Variants in RABEP1 observed in about 807,000 individuals in gnomAD.
RABEP1 encodes the protein rab GTPase-binding effector protein 1.
RABEP1 carries 51 observed loss-of-function variants against 123.4 expected under a neutral mutation model. That is an observed-to-expected ratio of 0.41 (90% CI 0.33 to 0.52). The LOEUF (loss-of-function observed/expected upper bound fraction) is 0.52. RABEP1 is among the 20% of genes least tolerant of loss of function. The pLI is 0.16. For missense variants in RABEP1, 888 were observed against 996.3 expected (o/e 0.89, Z 1.46); for synonymous variants, 347 against 355.2 (o/e 0.98, Z 0.26).
intron 13 of RABEP1, among the ~76,000 whole-genome samples, chr17:5,374,984 C>CCAGGCTGGT (rs1183100250): frequency 2.6e-5 from 4 of 151,994 alleles, no homozygotes; most frequent in African/African-American, 9.7e-5. Flanking sequence ...GCCATGTTGG[C>CCAGGCTGGT]CAGGCTGGTC....
intron 1 of RABEP1, among the ~76,000 whole-genome samples, chr17:5,288,556 C>A (rs1029369201): frequency 6.6e-6 from 1 of 150,902 alleles, no homozygotes; most frequent in Non-Finnish European, 1.5e-5. Flanking sequence ...CTGCCATGCT[C>A]GGCTAATTTT....
At chr17:5,282,837 G>T (rs2074940879) in intron 1 of RABEP1, among the ~76,000 whole-genome samples, 1 of 151,834 alleles carries the variant, frequency 6.6e-6, no homozygotes, top group Non-Finnish European at 1.5e-5. Context: ...CCGGCACGTG[G>T]GTTCTGCCCG....
intron 2 of RABEP1, among the ~76,000 whole-genome samples, chr17:5,314,231 A>ATTTTTTTTTTTT (rs2075272537): frequency 2.8e-5 from 1 of 35,240 alleles, no homozygotes; most frequent in Non-Finnish European, 6.4e-5. Flanking sequence ...CTTAGTACCT[A>ATTTTTTTTTTTT]TTCTTTTTTT....
intron 2 of RABEP1, among the ~76,000 whole-genome samples, chr17:5,317,192 T>G (rs971113656): frequency 2.6e-5 from 4 of 152,010 alleles, no homozygotes; most frequent in Non-Finnish European, 5.9e-5. Context: ...ATGCAAAAAT[T>G]CTCACAAAAG....
intron 2 of RABEP1, among the ~76,000 whole-genome samples, chr17:5,324,259 T>TA (rs1165559815): frequency 1.3e-5 from 2 of 152,078 alleles, no homozygotes; most frequent in African/African-American, 4.8e-5. Context: ...TGGAACAGAA[T>TA]AGAGTACCCA....
chr17:5,311,238 G>A (rs528218502), intron 2 of RABEP1, among the ~76,000 whole-genome samples: 17 of 152,242 alleles, frequency 1.1e-4, no homozygotes, highest in African/African-American at 2.4e-4. Flanking sequence ...ACCAGTTGGC[G>A]GAGATGTTAC....
intron 7 of RABEP1, among the ~76,000 whole-genome samples, chr17:5,354,084 T>G (rs1307388018): frequency 1.3e-5 from 2 of 152,192 alleles, no homozygotes; most frequent in Admixed American, 6.5e-5. Flanking sequence ...GGTTTTGCTT[T>G]CTTTTATTTT....
chr17:5,308,078 T>G (rs925500277), intron 1 of RABEP1, among the ~76,000 whole-genome samples: 2 of 152,188 alleles, frequency 1.3e-5, no homozygotes, highest in Non-Finnish European at 2.9e-5. Context: ...TATTTAACAG[T>G]TCTAAAATTA....
intron 5 of RABEP1, among the ~76,000 whole-genome samples, chr17:5,340,887 G>T (rs944958821): frequency 1.3e-5 from 2 of 149,762 alleles, no homozygotes; most frequent in African/African-American, 4.9e-5. Context: ...GGCAGAGGTT[G>T]CAGTGAGCTG....
intron 1 of RABEP1, among the ~76,000 whole-genome samples, chr17:5,302,431 G>A (rs930095676): frequency 6.6e-6 from 1 of 151,570 alleles, no homozygotes; most frequent in African/African-American, 2.4e-5. Context: ...GGTATAGATA[G>A]GGTTTTGCCA....
rs1411133921 is a variant in RABEP1 at position 5,357,513 on chromosome 17, A to G, written c.1095+3023A>G. ...CAGCCTCCCGAGTAGCTGGGACTAC[A>G]GGTGCACACCACCACGCCCAGCTAT... On this transcript the variant is annotated intron_variant, in intron 8 of 17. Transcript: ENST00000537505. Among the ~76,000 whole-genome samples the G allele has an allele frequency of 2.0e-5, 3 of 152,224 alleles. No homozygotes were observed. The East Asian group carries it at 5.8e-4, about 29-fold the overall frequency.
intron 10 of RABEP1, chr17:5,364,580 A>C (rs771056261): frequency 6.6e-6 from 1 of 152,540 alleles, no homozygotes; most frequent in Non-Finnish European, 1.5e-5. Context: ...TAAAAATGCA[A>C]AATTAGCCAG....
chr17:5,382,218 A>T (rs1003727949), intron 17 of RABEP1, among the ~76,000 whole-genome samples: 1 of 151,070 alleles, frequency 6.6e-6, no homozygotes. Flanking sequence ...GGTAGCTGGG[A>T]TTACAAGTAC....
intron 2 of RABEP1, among the ~76,000 whole-genome samples, chr17:5,317,903 C>G (rs1287507699): frequency 6.6e-6 from 1 of 152,102 alleles, no homozygotes; most frequent in African/African-American, 2.4e-5. Context: ...GTAATAAAGC[C>G]TCTAATAACT....
chr17:5,303,438 C>T (rs955843697), intron 1 of RABEP1, among the ~76,000 whole-genome samples: 2 of 152,090 alleles, frequency 1.3e-5, no homozygotes, highest in African/African-American at 4.8e-5. Flanking sequence ...GACAGGGTTT[C>T]GCCACATTGA....
At position 5,282,464 on chromosome 17, in the gene RABEP1, T is replaced by TC; in HGVS notation, c.-19dup. ...ACGCCGCTTCCCCGCCCATCCCCGC[T>TC]CCCCGAGGCCGGCCGCCTGGTCATG... On this transcript the variant is annotated 5_prime_UTR_variant, in exon 1 of 18. Transcript: ENST00000537505. 1 of 1,343,910 alleles carries TC rather than the reference T, an allele frequency of 7.4e-7. No homozygotes were observed. Among genetic ancestry groups the TC allele is most frequent in the South Asian group, 1.8e-5 (1 of 55,332 alleles). 83.2% of individuals were successfully genotyped at this position (1,343,910 alleles called of 1,614,324 possible). A position where few individuals can be genotyped will look rare whatever the true frequency, so the allele number is the denominator to read the frequency against.
intron 13 of RABEP1, among the ~76,000 whole-genome samples, chr17:5,376,235 T>C (rs950547039): frequency 6.6e-6 from 1 of 152,140 alleles, no homozygotes; most frequent in Admixed American, 6.5e-5. Flanking sequence ...GTGGGAGTTT[T>C]GCTTGAGCCC....
chr17:5,339,109 A>C (rs1033760228), intron 5 of RABEP1, among the ~76,000 whole-genome samples: 1 of 152,046 alleles, frequency 6.6e-6, no homozygotes, highest in Non-Finnish European at 1.5e-5. Context: ...GTGAACTGGC[A>C]CTCCAGACTG....
At chr17:5,282,905 G>A (rs2144413805) in intron 1 of RABEP1, among the ~76,000 whole-genome samples, 1 of 152,156 alleles carries the variant, frequency 6.6e-6, no homozygotes, top group African/African-American at 2.4e-5. Context: ...AAAAATCTTA[G>A]CTTAGGTAGT....
Sources: allele counts gnomAD v4.1 joint callset (sites outside exome capture counted in the v4.1 genomes callset), GRCh38; gene constraint gnomAD v4.1.1; transcripts MANE v1.5; gene names NCBI Gene and HGNC (gene_info 2026-07-23, HGNC 2026-07-21).